Variants in TRIM16 observed in about 807,000 individuals in gnomAD.
TRIM16 encodes tripartite motif containing 16.
Under a neutral mutation model 50.4 loss-of-function variants are expected in TRIM16, and 33 were observed. The observed-to-expected ratio is 0.65, with a 90% CI of 0.50 to 0.88. The LOEUF is 0.88. Ranked by LOEUF, TRIM16 falls within the 40% of genes least tolerant of loss-of-function variation. The pLI is 0.00. For missense variants in TRIM16, 581 were observed against 686.8 expected (o/e 0.85, Z 1.72); for synonymous variants, 229 against 270.7 (o/e 0.85, Z 1.51).
chr17:15,652,190 C>A (rs571184718), intron 6 of TRIM16: 1 of 157,736 alleles, frequency 6.3e-6, no homozygotes. Flanking sequence ...CTCTGTCACC[C>A]AGGCTGGAGT....
chr17:15,637,539 C>T (rs1986869808), intron 8 of TRIM16, among the ~76,000 whole-genome samples: 1 of 128,838 alleles, frequency 7.8e-6, no homozygotes, highest in Non-Finnish European at 1.7e-5. Flanking sequence ...GTCAGCCCCC[C>T]GCCCGGCCAG....
chr17:15,633,407 T>C lies in TRIM16; in HGVS notation c.850-733A>G, dbSNP rs1439002335. 2.6e-5 allele frequency among the ~76,000 whole-genome samples: 4 copies of C among 151,232 alleles called. No homozygotes were observed. The East Asian group carries it at 5.9e-4, about 22-fold the overall frequency. On this transcript the variant is annotated intron_variant, in intron 9 of 11. Coordinates refer to ENST00000649191, the MANE Select transcript of TRIM16 (RefSeq NM_001348119.1). ...ACATTTTAATGCTATATACTGTACA[T>C]GACAAAAGTAGCATTTTAAATCAGT...
At chr17:15,674,154 G>A (rs1409311987) in intron 6 of TRIM16, among the ~76,000 whole-genome samples, 1 of 152,170 alleles carries the variant, frequency 6.6e-6, no homozygotes, top group Non-Finnish European at 1.5e-5. Flanking sequence ...GGCGGATCAT[G>A]AGGTCAAGAG....
At chr17:15,645,832 T>C (rs1987348971) in intron 7 of TRIM16, among the ~76,000 whole-genome samples, 1 of 152,176 alleles carries the variant, frequency 6.6e-6, no homozygotes, top group South Asian at 2.1e-4. Context: ...CAGTGACCTC[T>C]CACCCTTGAT....
chr17:15,661,669 G>A (rs1460846148), intron 6 of TRIM16, among the ~76,000 whole-genome samples: 1 of 152,158 alleles, frequency 6.6e-6, no homozygotes, highest in East Asian at 1.9e-4. Context: ...CCCAGAGCAA[G>A]GATGCTTAGT....
At chr17:15,630,436 T>C (rs548646297) in intron 11 of TRIM16, among the ~76,000 whole-genome samples, 5 of 152,350 alleles carry the variant, frequency 3.3e-5, no homozygotes, top group Middle Eastern at 3.4e-3. Flanking sequence ...ACATTTTGCA[T>C]GGGATTCTTC....
At chr17:15,657,493 T>C (rs1032867490) in intron 6 of TRIM16, among the ~76,000 whole-genome samples, 4 of 152,238 alleles carry the variant, frequency 2.6e-5, no homozygotes, top group African/African-American at 9.6e-5. Context: ...CCACAACTCT[T>C]TTCATCTTGC....
At chr17:15,662,015 A>G (rs754141583) in intron 6 of TRIM16, among the ~76,000 whole-genome samples, 12 of 152,174 alleles carry the variant, frequency 7.9e-5, no homozygotes, top group Non-Finnish European at 1.5e-4. Flanking sequence ...TTTTTCTTCC[A>G]CAGTTTGGAA....
At chr17:15,670,963 T>G (rs531622111) in intron 6 of TRIM16, among the ~76,000 whole-genome samples, 5 of 152,288 alleles carry the variant, frequency 3.3e-5, no homozygotes, top group Non-Finnish European at 7.3e-5. Flanking sequence ...GACTAATATA[T>G]GAAGCTGATT....
rs572843972 is a variant in TRIM16, at chr17:15,676,078, A to G, written c.-338+1098T>C. ...GTCCTTATATTCATCTAGCCTCCAG[A>G]CATTACCACTTAGAGCAGGTTTTCT... On this transcript the variant is annotated intron_variant, in intron 6 of 11. Coordinates refer to ENST00000649191, the MANE Select transcript of TRIM16 (RefSeq NM_001348119.1). Among the ~76,000 whole-genome samples the G allele has an allele frequency of 3.8e-4, 58 of 152,208 alleles. 1 individual carries two copies. In the South Asian group the frequency reaches 0.012, roughly 31 times the overall value.
intron 6 of TRIM16, among the ~76,000 whole-genome samples, chr17:15,655,007 A>G (rs532273740): frequency 2.0e-5 from 3 of 152,086 alleles, no homozygotes; most frequent in Non-Finnish European, 4.4e-5. Context: ...TTGAAAAAAA[A>G]AAATGTAGCT....
At chr17:15,637,299 G>A (rs1393042672) in intron 8 of TRIM16, among the ~76,000 whole-genome samples, 7 of 119,386 alleles carry the variant, frequency 5.9e-5, no homozygotes. Flanking sequence ...CTACTGGGAA[G>A]TGAGGAGCCC....
chr17:15,637,924 G>A (rs1416435294), intron 8 of TRIM16, among the ~76,000 whole-genome samples: 1 of 141,994 alleles, frequency 7.0e-6, no homozygotes, highest in East Asian at 2.1e-4. Context: ...TCTGCTTTGG[G>A]ATCCTGTTGA....
intron 6 of TRIM16, among the ~76,000 whole-genome samples, chr17:15,674,368 CAA>C (rs796198944): frequency 1.7e-5 from 2 of 121,134 alleles, no homozygotes; most frequent in Non-Finnish European, 3.5e-5. Flanking sequence ...GACTCCGTCT[CAA>C]AAAAAAAAAA....
At chr17:15,633,587 T>G (rs1986545695) in intron 9 of TRIM16, among the ~76,000 whole-genome samples, 1 of 145,356 alleles carries the variant, frequency 6.9e-6, no homozygotes, top group Admixed American at 6.8e-5. Flanking sequence ...TCACCCAGGC[T>G]GGAGTGCAAT....
At chr17:15,659,365 G>A (rs571565541) in intron 6 of TRIM16, among the ~76,000 whole-genome samples, 53 of 152,196 alleles carry the variant, frequency 3.5e-4, no homozygotes, top group African/African-American at 1.3e-3. Flanking sequence ...CCAAGCTTAC[G>A]GGGCCAGAAT....
At position 15,629,106 on chromosome 17, in the gene TRIM16, C is replaced by T. The variant is rs1166734155; in HGVS notation, c.1204G>A (p.Glu402Lys). 6.2e-7 allele frequency: 1 copy of T among 1,613,770 alleles called. No homozygotes were observed. The highest frequency in any genetic ancestry group is 8.5e-7 in the Non-Finnish European group (1 of 1,179,828). The change falls in exon 12 of 12, where the codon GAG becomes AAG. Residue 402 changes from glutamate (E) to lysine (K), a missense_variant. Glu to Lys is a moderately conservative substitution (Grantham distance 56, BLOSUM62 1). Transcript: ENST00000649191. ...CTGGGGAGGTCCGGGTAGGGATGCT[C>T]CCAGGGCGTGGTGTTGGTGACCTTG... ...NRKVTNTTPW[E>K]HPYPDLPSRF...
At chr17:15,634,797 C>T (rs1321308878) in intron 9 of TRIM16, among the ~76,000 whole-genome samples, 1 of 149,002 alleles carries the variant, frequency 6.7e-6, no homozygotes, top group African/African-American at 2.5e-5. Context: ...GGTGACAGAG[C>T]AAGACTCCAT....
At chr17:15,648,412 C>CT (rs1987522649) in intron 7 of TRIM16, among the ~76,000 whole-genome samples, 1 of 152,106 alleles carries the variant, frequency 6.6e-6, no homozygotes, top group Non-Finnish European at 1.5e-5. Flanking sequence ...AGTGTCTGCC[C>CT]ACTGATATGG....
Sources: allele counts gnomAD v4.1 joint callset (sites outside exome capture counted in the v4.1 genomes callset), GRCh38; gene constraint gnomAD v4.1.1; transcripts MANE v1.5; gene names NCBI Gene and HGNC (gene_info 2026-07-23, HGNC 2026-07-21).